Variants in SLC12A1 observed in about 807,000 individuals in gnomAD.
SLC12A1 encodes solute carrier family 12 member 1, also known as Na-K-2Cl cotransporter.
SLC12A1 carries 89 observed loss-of-function variants against 130.4 expected under a neutral mutation model. That is an observed-to-expected ratio of 0.68 (90% confidence interval 0.58 to 0.81). SLC12A1 has a LOEUF of 0.81. SLC12A1 is among the 40% of genes least tolerant of loss of function. SLC12A1 has a pLI of 0.00. For synonymous variants in SLC12A1, 499 were observed against 460.0 expected, an observed-to-expected ratio of 1.08 and a Z score of -1.09; for missense variants, 1,310 against 1,336.4, an observed-to-expected ratio of 0.98 and a Z score of 0.31.
At chr15:48,254,156 T>C (rs576677557) in intron 15 of SLC12A1, among the ~76,000 whole-genome samples, 2 of 148,112 alleles carry the variant, frequency 1.4e-5, no homozygotes, top group Admixed American at 6.7e-5. Flanking sequence ...CTAATTTATC[T>C]TTTTTTTTTA....
chr15:48,273,859 G>GA (rs1293076721), intron 19 of SLC12A1, among the ~76,000 whole-genome samples: 1 of 152,066 alleles, frequency 6.6e-6, no homozygotes, highest in Non-Finnish European at 1.5e-5. Flanking sequence ...ACCTCCCAAT[G>GA]AAAAAAATTT....
intron 24 of SLC12A1, among the ~76,000 whole-genome samples, 199 bp from the exon 25 acceptor site, chr15:48,298,941 A>AGGCCTT (rs1255266452): frequency 6.6e-6 from 1 of 152,236 alleles, no homozygotes; most frequent in Non-Finnish European, 1.5e-5. Context: ...GAACACTCTA[A>AGGCCTT]GGCCTTTTCT....
Position 48,285,165 on chromosome 15 carries a change from G to A in SLC12A1, c.2545G>A (p.Glu849Lys). ...LALEATIKDN[E>K]CEEESGGIRG... The stretch of plus-strand genomic sequence containing the variant: ...ATTGGAAGCGACTATCAAAGATAAT[G>A]AGTGTGAAGAGGAAAGTGGAGGCAT... The change falls in exon 21 of 27, where the codon GAG becomes AAG. Residue 849 changes from glutamate to lysine, a missense_variant. Glu to Lys is a moderately conservative substitution (Grantham distance 56, BLOSUM62 1). Transcript: ENST00000380993. 1.2e-6 allele frequency: 2 copies of A among 1,613,714 alleles called. No individual in the cohort carries two copies. The highest frequency in any genetic ancestry group is 1.7e-6 in the Non-Finnish European group (2 of 1,179,694).
intron 5 of SLC12A1, chr15:48,227,909 C>A (rs565907036): frequency 6.6e-6 from 1 of 152,282 alleles, no homozygotes; most frequent in Non-Finnish European, 1.5e-5. Context: ...AACTGACTAG[C>A]TCATTTGTTT....
intron 11 of SLC12A1, 109 bp from the exon 12 acceptor site, chr15:48,246,800 A>T (rs532360132): frequency 1.2e-6 from 1 of 815,056 alleles, no homozygotes; most frequent in South Asian, 1.3e-5. Context: ...ACAACAAGAA[A>T]AGGAATGTGA....
At chr15:48,276,185 T>C (rs1418541203) in intron 20 of SLC12A1, among the ~76,000 whole-genome samples, 1 of 152,148 alleles carries the variant, frequency 6.6e-6, no homozygotes, top group Non-Finnish European at 1.5e-5. Context: ...CAAGAGGAAG[T>C]ATAGGTTTAA....
At chr15:48,228,775 A>T (rs943380319) in intron 5 of SLC12A1, 2 of 158,496 alleles carry the variant, frequency 1.3e-5, no homozygotes, top group African/African-American at 4.8e-5. Flanking sequence ...AAGTTAGAAA[A>T]ACAAAGATAA....
chr15:48,216,041 G>A (rs529062963), intron 2 of SLC12A1, among the ~76,000 whole-genome samples: 1 of 152,112 alleles, frequency 6.6e-6, no homozygotes, highest in African/African-American at 2.4e-5. Context: ...GTCAACAAAA[G>A]AAGTATACAT....
Position 48,251,631 on chromosome 15 carries a change from T to C in SLC12A1, c.1803T>C (p.Tyr601=). Residue 601 remains tyrosine (Y), a synonymous_variant, in exon 15 of 27, where the codon TAT becomes TAC. Transcript: ENST00000380993. ...YAKSPGWRPA[Y]GIYNMWVSLF... ...TGTTTTCAGGATGGAGACCTGCGTA[T>C]GGAATTTACAACATGTGGGTATCTC... is the stretch of plus-strand genomic sequence containing the variant. 1.2e-6 allele frequency: 2 copies of C among 1,613,868 alleles called. No individual in the cohort carries two copies. The highest frequency in any genetic ancestry group is 1.7e-6 in the Non-Finnish European group (2 of 1,179,770).
chr15:48,247,056 A>G (rs375575662), intron 12 of SLC12A1, 40 bp downstream of exon 12: 1 of 1,427,894 alleles, frequency 7.0e-7, no homozygotes, highest in Non-Finnish European at 9.9e-7. Flanking sequence ...CCCTATTGCT[A>G]TTTCCACAGA....
intron 9 of SLC12A1, among the ~76,000 whole-genome samples, chr15:48,238,650 T>G (rs2141044865): frequency 6.6e-6 from 1 of 152,318 alleles, no homozygotes; most frequent in Middle Eastern, 3.4e-3. Flanking sequence ...TCAGTACTTG[T>G]AGATATTATT....
chr15:48,207,869 T>C lies in SLC12A1; in HGVS notation c.150T>C (p.Phe50=). The C allele has an allele frequency of 6.2e-7, 1 of 1,613,986 alleles. No homozygotes were observed. The highest frequency in any genetic ancestry group is 8.5e-7 in the Non-Finnish European group (1 of 1,179,880). The change falls in exon 2 of 27, where the codon TTT becomes TTC. Residue 50 remains phenylalanine (F), a synonymous_variant. Coordinates refer to ENST00000380993, the MANE Select transcript of SLC12A1 (RefSeq NM_000338.3). The part of the protein sequence containing the change: ...TDPPHYEETS[F]GDEAQKRLRI... ...CACCACATTATGAAGAAACCTCTTT[T>C]GGGGATGAAGCTCAGAAAAGACTCA...
intron 2 of SLC12A1, among the ~76,000 whole-genome samples, chr15:48,210,110 A>G (rs921506774): frequency 2.6e-5 from 4 of 152,220 alleles, no homozygotes; most frequent in African/African-American, 7.2e-5. Context: ...AATGGCAGAG[A>G]GAAAAAGGAG....
intron 4 of SLC12A1, chr15:48,224,982 T>TC (rs1372258777): frequency 6.6e-6 from 1 of 152,180 alleles, no homozygotes; most frequent in Non-Finnish European, 1.5e-5. Flanking sequence ...GTGTCTTGTG[T>TC]TTCTTACATT....
intron 13 of SLC12A1, among the ~76,000 whole-genome samples, chr15:48,248,276 G>C (rs745306289): frequency 1.3e-5 from 2 of 152,168 alleles, no homozygotes; most frequent in Non-Finnish European, 2.9e-5. Context: ...CATAGCATTT[G>C]TATGAGGCTG....
intron 14 of SLC12A1, among the ~76,000 whole-genome samples, chr15:48,250,674 C>CTTCACACACACA (rs1555383559): frequency 1.8e-5 from 1 of 56,128 alleles, no homozygotes; most frequent in African/African-American, 9.3e-5. Flanking sequence ...AAAATGTCTG[C>CTTCACACACACA]CTCACACACA....
rs763036680 is a variant in SLC12A1, at chr15:48,267,684, G to A, written c.2278G>A (p.Val760Ile). Residue 760 changes from valine (V) to isoleucine (I), a missense_variant, in exon 18 of 27, where the codon GTC (valine) becomes ATC (isoleucine). Physicochemically the swap from Val to Ile is conservative, Grantham distance 29 (BLOSUM62 3). Coordinates refer to ENST00000380993, the MANE Select transcript of SLC12A1 (RefSeq NM_000338.3). ...AVAADCFRDG[V>I]RSLLQASGLG... ...GGCGGCAGACTGTTTCAGGGATGGT[G>A]TCCGAAGTCTTCTTCAGGTAAGGCT... 4.8e-5 allele frequency: 77 copies of A among 1,613,268 alleles called. 1 individual carries two copies. In the Admixed American group the frequency reaches 1.3e-3, roughly 27 times the overall value.
intron 24 of SLC12A1, among the ~76,000 whole-genome samples, chr15:48,298,287 G>T (rs1032185034): frequency 1.3e-5 from 2 of 152,046 alleles, no homozygotes; most frequent in South Asian, 2.1e-4. Flanking sequence ...GCATACTAGA[G>T]ACAACTACTG....
chr15:48,217,419 G>A (rs745940237), intron 2 of SLC12A1, among the ~76,000 whole-genome samples: 8 of 152,114 alleles, frequency 5.3e-5, no homozygotes, highest in African/African-American at 7.2e-5. Context: ...TTTGGACTGC[G>A]TTTATTCTTA....
Sources: allele counts gnomAD v4.1 joint callset (sites outside exome capture counted in the v4.1 genomes callset), GRCh38; gene constraint gnomAD v4.1.1; transcripts MANE v1.5; gene names NCBI Gene and HGNC (gene_info 2026-07-23, HGNC 2026-07-21).